The following RAB2A variants were observed in gnomAD, a reference collection of about 807,000 sequenced individuals.
RAB2A encodes the protein RAB2A, member RAS oncogene family, also known as ras-related protein Rab-2A.
In RAB2A, 7 loss-of-function variants were observed where a neutral mutation model predicts 32.5. The observed-to-expected ratio is 0.22, with a 90% confidence interval of 0.12 to 0.40. The LOEUF (loss-of-function observed/expected upper bound fraction) is 0.40. Ranked by LOEUF, RAB2A falls within the 10% of genes least tolerant of loss-of-function variation. The pLI is 1.00. For synonymous variants in RAB2A, 79 were observed against 85.2 expected (o/e 0.93, Z 0.40); for missense variants, 108 against 260.7 (o/e 0.41, Z 4.03).
chr8:60,595,892 C>T (rs2130856620), intron 6 of RAB2A, among the ~76,000 whole-genome samples: 1 of 152,082 alleles, frequency 6.6e-6, no homozygotes, highest in East Asian at 1.9e-4. Flanking sequence ...ATTCTCCAAA[C>T]AAAATGGAAT....
At chr8:60,539,292 C>T (rs1217299027) in intron 1 of RAB2A, among the ~76,000 whole-genome samples, 2 of 152,058 alleles carry the variant, frequency 1.3e-5, no homozygotes, top group Non-Finnish European at 2.9e-5. Context: ...AGTAATTTGG[C>T]CTTAGCAGAT....
upstream of RAB2A, chr8:60,516,946 G>C (rs1286149618): frequency 5.5e-6 from 2 of 363,622 alleles, no homozygotes; most frequent in African/African-American, 4.3e-5. Flanking sequence ...AGAACTTCCG[G>C]GTCGGCGCGG....
chr8:60,521,342 G>A (rs986078072), intron 1 of RAB2A, among the ~76,000 whole-genome samples: 1 of 152,198 alleles, frequency 6.6e-6, no homozygotes, highest in Non-Finnish European at 1.5e-5. Flanking sequence ...TGGCTCAGGA[G>A]AGAGTAATCT....
At chr8:60,549,613 G>C (rs72648594) in intron 1 of RAB2A, among the ~76,000 whole-genome samples, 22,752 of 152,000 alleles carry the variant, frequency 0.15, 1,845 homozygotes, top group East Asian at 0.26. Context: ...GGAGAGAAAG[G>C]GGGAGGATGT....
intron 6 of RAB2A, among the ~76,000 whole-genome samples, chr8:60,596,819 G>A (rs1255573787): frequency 6.6e-6 from 1 of 152,150 alleles, no homozygotes; most frequent in African/African-American, 2.4e-5. Context: ...TACTTGGGAG[G>A]CTGAGGCAGG....
Position 60,517,186 on chromosome 8 carries a change from C to G in RAB2A, c.-22C>G, listed in dbSNP as rs1263422698. 3 of 1,487,456 alleles carry G rather than the reference C, an allele frequency of 2.0e-6. No individual in the cohort carries two copies. Among genetic ancestry groups the G allele is most frequent in the Non-Finnish European group, 2.7e-6 (3 of 1,117,242 alleles). 92.1% of individuals were successfully genotyped at this position (1,487,456 alleles called of 1,614,324 possible). A position where few individuals can be genotyped will look rare whatever the true frequency, so the allele number is the denominator to read the frequency against. Reference sequence around the variant, plus strand: ...GCAGCGGGAGGAGGAGCCGTGTGCCCTGGCACTGAGCGGCCGCGGCCATGG... The same window carrying G: ...GCAGCGGGAGGAGGAGCCGTGTGCCGTGGCACTGAGCGGCCGCGGCCATGG... On this transcript the variant is annotated 5_prime_UTR_variant, in exon 1 of 8. Transcript: ENST00000262646.
chr8:60,532,057 G>C (rs1007951395), intron 1 of RAB2A, among the ~76,000 whole-genome samples: 23 of 152,058 alleles, frequency 1.5e-4, no homozygotes, highest in Non-Finnish European at 2.8e-4. Context: ...CACTCGCCTT[G>C]GCCTCCCAAA....
intron 1 of RAB2A, among the ~76,000 whole-genome samples, chr8:60,519,485 G>A (rs566194916): frequency 3.3e-5 from 5 of 152,120 alleles, no homozygotes; most frequent in African/African-American, 1.2e-4. Context: ...TGAGTTTTCC[G>A]TAATGCCTTC....
chr8:60,581,479 C>CT (rs1489202515), intron 3 of RAB2A, among the ~76,000 whole-genome samples: 5 of 152,180 alleles, frequency 3.3e-5, no homozygotes, highest in Non-Finnish European at 7.3e-5. Flanking sequence ...CAATTTAAAA[C>CT]TTAGGAATTA....
intron 7 of RAB2A, chr8:60,619,051 C>G (rs1039462132): frequency 3.9e-5 from 6 of 152,162 alleles, no homozygotes; most frequent in Non-Finnish European, 8.8e-5. Flanking sequence ...GCAAGATGCT[C>G]TCTCTGTTAT....
In RAB2A at chr8:60,577,832, C is replaced by T. The variant is rs113300284; in HGVS notation, c.186+5719C>T. 4.4e-3 allele frequency among the ~76,000 whole-genome samples: 550 copies of T among 124,696 alleles called. 8 individuals are homozygous for T. The highest frequency in any genetic ancestry group is 0.016 in the African/African-American group (524 of 32,014). 81.8% of individuals were successfully genotyped at this position (124,696 alleles called of 152,430 possible). On this transcript the variant is annotated intron_variant, in intron 3 of 7. Coordinates refer to ENST00000262646, the MANE Select transcript of RAB2A (RefSeq NM_002865.3). The stretch of plus-strand genomic sequence containing the variant: ...TTTTTTTTTGGATTTTTAGTGGAGA[C>T]GAGGTTTCACCAAGTTAGCCAGGAT...
chr8:60,519,656 A>G (rs1183515501), intron 1 of RAB2A, among the ~76,000 whole-genome samples: 2 of 152,312 alleles, frequency 1.3e-5, no homozygotes, highest in Non-Finnish European at 2.9e-5. Context: ...AGGCACCTCT[A>G]TTATGTAGGT....
chr8:60,592,786 C>T (rs191816195), intron 6 of RAB2A, among the ~76,000 whole-genome samples: 36 of 152,128 alleles, frequency 2.4e-4, no homozygotes, highest in Non-Finnish European at 5.9e-5. Flanking sequence ...TTGATCCTTT[C>T]TAAGGTAAAT....
chr8:60,546,290 T>A (rs942369654), intron 1 of RAB2A, among the ~76,000 whole-genome samples: 2 of 152,232 alleles, frequency 1.3e-5, no homozygotes, highest in African/African-American at 4.8e-5. Context: ...GGTTTAAGAT[T>A]CTAGTTAGTG....
chr8:60,547,220 C>T (rs1247285712), intron 1 of RAB2A, among the ~76,000 whole-genome samples: 1 of 152,098 alleles, frequency 6.6e-6, no homozygotes, highest in Non-Finnish European at 1.5e-5. Context: ...GGGGTAAGGT[C>T]ACCGATCAAC....
At chr8:60,616,126 C>T (rs1804444310) in intron 6 of RAB2A, among the ~76,000 whole-genome samples, 1 of 152,074 alleles carries the variant, frequency 6.6e-6, no homozygotes, top group Non-Finnish European at 1.5e-5. Context: ...TATGTACATC[C>T]TTAATTCATC....
At chr8:60,586,668 G>A (rs777815839) in intron 5 of RAB2A, among the ~76,000 whole-genome samples, 5 of 151,978 alleles carry the variant, frequency 3.3e-5, no homozygotes, top group Admixed American at 6.6e-5. Context: ...TGTAATCCCA[G>A]CACTTTGGGA....
intron 1 of RAB2A, among the ~76,000 whole-genome samples, chr8:60,538,600 T>C (rs1807592707): frequency 6.6e-6 from 1 of 152,234 alleles, no homozygotes; most frequent in South Asian, 2.1e-4. Context: ...GGCTGAGGCC[T>C]ACTGGATGTC....
At chr8:60,547,905 C>T (rs1270740040) in intron 1 of RAB2A, among the ~76,000 whole-genome samples, 7 of 115,494 alleles carry the variant, frequency 6.1e-5, no homozygotes, top group Admixed American at 2.4e-4. Flanking sequence ...CCCTCCCGGA[C>T]GGGGCGGCTG....
Sources: allele counts gnomAD v4.1 joint callset (sites outside exome capture counted in the v4.1 genomes callset), GRCh38; gene constraint gnomAD v4.1.1; transcripts MANE v1.5; gene names NCBI Gene and HGNC (gene_info 2026-07-23, HGNC 2026-07-21).